The following GAS6 variants were observed in gnomAD, a reference collection of about 807,000 sequenced individuals.
The protein encoded by GAS6 is growth arrest-specific protein 6.
GAS6 carries 41 observed loss-of-function variants against 75.8 expected under a neutral mutation model. That is an observed-to-expected ratio of 0.54 (90% CI 0.42 to 0.70). The LOEUF (loss-of-function observed/expected upper bound fraction) is 0.70. Ranked by LOEUF, GAS6 falls within the 30% of genes least tolerant of loss-of-function variation. The pLI is 0.00. For missense variants in GAS6, 854 were observed against 940.2 expected (o/e 0.91, Z 1.20); for synonymous variants, 432 against 412.6 (o/e 1.05, Z -0.57).
intron 14 of GAS6, chr13:113,821,510 G>C (rs7491950): frequency 0.11 from 25,074 of 231,134 alleles, 2,688 homozygotes; most frequent in African/African-American, 0.32. Flanking sequence ...CCCGGTCCCA[G>C]CCTCTGTGCT....
At position 113,825,301 on chromosome 13, in the gene GAS6, G is replaced by GCTTC. The variant is rs545502963; in HGVS notation, c.1477+1691_1477+1694dup. Among the ~76,000 whole-genome samples, 51 of 151,604 alleles carry GCTTC rather than the reference G, an allele frequency of 3.4e-4. No homozygotes were observed. The South Asian group carries it at 9.2e-3, about 27-fold the overall frequency. On this transcript the variant is annotated intron_variant, in intron 12 of 14. Transcript: ENST00000327773. Reference sequence around the variant, plus strand: ...GGCTAGGCACATGTTGGCCATCGGGGCTTCACAAGGGCACCGGCCTCTGCT... The same window carrying GCTTC: ...GGCTAGGCACATGTTGGCCATCGGGGCTTCCTTCACAAGGGCACCGGCCTCTGCT...
rs2051852549 is a variant in GAS6, at chr13:113,848,817, T to A, written c.256-767A>T. On this transcript the variant is annotated intron_variant, in intron 2 of 14. Coordinates refer to ENST00000327773, the MANE Select transcript of GAS6 (RefSeq NM_000820.4). This position sits in a 1 kb window ranked among gnomAD's most constrained non-coding sequence, Gnocchi z 4.8. ...ATTTTTACACTATTTTATGAAATCC[T>A]CACAAATAACACCCAGGAAGGTCTT... Among the ~76,000 whole-genome samples the A allele has an allele frequency of 6.6e-6, 1 of 151,404 alleles. No homozygotes were observed. Among genetic ancestry groups the A allele is most frequent in the Non-Finnish European group, 1.5e-5 (1 of 68,014 alleles).
chr13:113,858,547 C>G (rs1273049128), intron 2 of GAS6, among the ~76,000 whole-genome samples: 5 of 126,260 alleles, frequency 4.0e-5, no homozygotes, highest in African/African-American at 6.7e-5. Flanking sequence ...CTGTGTACGT[C>G]TGCTAGTATG....
Position 113,824,075 on chromosome 13 carries a change from G to C in GAS6, c.1478-525C>G, listed in dbSNP as rs920666294. Among the ~76,000 whole-genome samples, 525 of 147,750 alleles carry C rather than the reference G, an allele frequency of 3.6e-3. 13 individuals are homozygous for C. The highest frequency in any genetic ancestry group is 0.011 in the African/African-American group (405 of 38,542). ...AGCTGTCAGGAGCACGCGCGGTCTGGGGTCTGAGCTGTCAGGAGCACCCGC... is the reference window on the plus strand; with the variant it reads ...AGCTGTCAGGAGCACGCGCGGTCTGCGGTCTGAGCTGTCAGGAGCACCCGC... On this transcript the variant is annotated intron_variant, in intron 12 of 14. Transcript: ENST00000327773.
In GAS6 at chr13:113,820,889, G is replaced by A; in HGVS notation, c.2012C>T (p.Pro671Leu). The change falls in exon 15 of 15, where the codon CCC (proline) becomes CTC (leucine). Residue 671 changes from proline (P) to leucine (L), a missense_variant. Transcript: ENST00000327773. ...CTAGGCTGCGGCGGGCTCCACGGGGGGGCAGGAGTGGGCCGTGATGTCGCT... is the reference window on the plus strand; with the variant it reads ...CTAGGCTGCGGCGGGCTCCACGGGGAGGCAGGAGTGGGCCGTGATGTCGCT... ...KHSDITAHSC[P>L]PVEPAAA is the part of the protein sequence containing the mutation. 6.2e-7 allele frequency: 1 copy of A among 1,611,382 alleles called. No homozygotes were observed. Among genetic ancestry groups the A allele is most frequent in the Non-Finnish European group, 8.5e-7 (1 of 1,179,798 alleles).
At chr13:113,831,224 T>G (rs2051626565) in intron 10 of GAS6, among the ~76,000 whole-genome samples, 1 of 152,176 alleles carries the variant, frequency 6.6e-6, no homozygotes, top group Non-Finnish European at 1.5e-5. Flanking sequence ...AGGTTGCCCA[T>G]GGGGCTGGGG....
At chr13:113,827,673 G>GGTCCCGGCACCAGGCAGTCTGT (rs2051568754) in intron 11 of GAS6, among the ~76,000 whole-genome samples, 1 of 152,188 alleles carries the variant, frequency 6.6e-6, no homozygotes, top group African/African-American at 2.4e-5. Context: ...CAACACTGAA[G>GGTCCCGGCACCAGGCAGTCTGT]GGGTGGCTTC....
intron 11 of GAS6, 115 bp downstream of exon 11, chr13:113,828,432 C>G (rs929805981): frequency 9.6e-7 from 1 of 1,041,412 alleles, no homozygotes. Flanking sequence ...CCTCTAGGTC[C>G]TCCTCACACC....
At chr13:113,838,859 T>A (rs2051746622) in intron 5 of GAS6, among the ~76,000 whole-genome samples, 1 of 140,336 alleles carries the variant, frequency 7.1e-6, no homozygotes, top group Non-Finnish European at 1.6e-5. Flanking sequence ...CAGAGAGAGA[T>A]CCTAGAGGTG....
At chr13:113,824,380 G>T (rs1324068144) in intron 12 of GAS6, among the ~76,000 whole-genome samples, 3 of 150,692 alleles carry the variant, frequency 2.0e-5, no homozygotes, top group African/African-American at 7.3e-5. Context: ...GCTGTCAGGA[G>T]CACGCGCGGT....
chr13:113,824,040 C>T (rs1355334792), intron 12 of GAS6, among the ~76,000 whole-genome samples: 1 of 151,578 alleles, frequency 6.6e-6, no homozygotes, highest in Non-Finnish European at 1.5e-5. Context: ...GCACGGTGGT[C>T]TGGGGTCTGA....
chr13:113,829,908 G>A (rs777852858), intron 10 of GAS6, among the ~76,000 whole-genome samples: 13 of 151,574 alleles, frequency 8.6e-5, no homozygotes, highest in Non-Finnish European at 1.3e-4. Context: ...CCTGAGCCAA[G>A]AAGGTCCCAA....
In GAS6 at chr13:113,837,092, G is replaced by C. The variant is rs1253295420; in HGVS notation, c.589+977C>G. Among the ~76,000 whole-genome samples the C allele has an allele frequency of 6.6e-6, 1 of 151,858 alleles. No individual in the cohort carries two copies. The highest frequency in any genetic ancestry group is 1.9e-4 in the East Asian group (1 of 5,168). ...TAGTCTTCACCTCTCTTTAAACCTG[G>C]GGTGCTGCTGTCTTCCAGGTCAGGG... On this transcript the variant is annotated intron_variant, in intron 6 of 14. Transcript: ENST00000327773. This position sits in a 1 kb window ranked among gnomAD's most constrained non-coding sequence, Gnocchi z 5.1.
intron 2 of GAS6, among the ~76,000 whole-genome samples, chr13:113,861,317 C>T (rs1035300225): frequency 2.0e-5 from 3 of 152,016 alleles, no homozygotes; most frequent in African/African-American, 7.2e-5. Flanking sequence ...GGGGCTGGGA[C>T]CACCTTCCCT....
At chr13:113,831,209 C>G (rs981160698) in intron 10 of GAS6, among the ~76,000 whole-genome samples, 3 of 152,224 alleles carry the variant, frequency 2.0e-5, no homozygotes, top group Admixed American at 6.5e-5. Context: ...TGACCAGGAC[C>G]CCTCAGGTTG....
intron 12 of GAS6, among the ~76,000 whole-genome samples, chr13:113,823,867 T>C (rs1594187485): frequency 6.8e-6 from 1 of 147,746 alleles, no homozygotes; most frequent in East Asian, 1.9e-4. Flanking sequence ...GGCCTGTCCC[T>C]GCCTCCCTCC....
intron 10 of GAS6, 30 bp downstream of exon 10, chr13:113,832,269 G>T (rs1292704408): frequency 6.3e-7 from 1 of 1,590,540 alleles, no homozygotes; most frequent in East Asian, 2.2e-5. Flanking sequence ...ACCCCGTGAG[G>T]CCTGGAAGGG....
chr13:113,824,760 GT>G (rs113529727), intron 12 of GAS6, among the ~76,000 whole-genome samples: 25,175 of 151,642 alleles, frequency 0.17, 2,247 homozygotes, highest in African/African-American at 0.23. Context: ...TCCCTAGCTG[GT>G]ACCCGCCACA....
In GAS6 at chr13:113,848,824, T is replaced by TAACA. The variant is rs2051852679; in HGVS notation, c.256-778_256-775dup. 7.0e-6 allele frequency among the ~76,000 whole-genome samples: 1 copy of TAACA among 143,266 alleles called. No individual in the cohort carries two copies. The highest frequency in any genetic ancestry group is 6.7e-5 in the Admixed American group (1 of 14,994). The allele number at this position is 143,266 out of a possible 152,430, so 94.0% of individuals were successfully genotyped here. On this transcript the variant is annotated intron_variant, in intron 2 of 14. Coordinates refer to ENST00000327773, the MANE Select transcript of GAS6 (RefSeq NM_000820.4). This position sits in a 1 kb window ranked among gnomAD's most constrained non-coding sequence, Gnocchi z 4.8. ...CACTATTTTATGAAATCCTCACAAA[T>TAACA]AACACCCAGGAAGGTCTTTTTAATC...
Sources: allele counts gnomAD v4.1 joint callset (sites outside exome capture counted in the v4.1 genomes callset), GRCh38; gene constraint gnomAD v4.1.1; non-coding constraint Gnocchi (gnomAD v3.1); transcripts MANE v1.5; gene names NCBI Gene and HGNC (gene_info 2026-07-23, HGNC 2026-07-21).